NRG1: variants seen among roughly 807,000 people sequenced by gnomAD.
The protein encoded by NRG1 is pro-neuregulin-1, membrane-bound isoform.
NRG1 carries 18 observed loss-of-function variants against 63.8 expected under a neutral mutation model. The observed-to-expected ratio is 0.28, with a 90% CI of 0.19 to 0.42. The LOEUF (loss-of-function observed/expected upper bound fraction) is 0.42, where lower values mean the gene tolerates loss of function less well. Among genes scored for constraint, NRG1 ranks in the 10% least tolerant of loss-of-function variants. The pLI is 1.00. For missense variants in NRG1, 762 were observed against 814.7 expected, an observed-to-expected ratio of 0.94 and a Z score of 0.79; for synonymous variants, 302 against 301.3, an observed-to-expected ratio of 1.00 and a Z score of -0.02.
At chr8:32,230,714 A>G (rs1346524876) in intron 1 of NRG1, among the ~76,000 whole-genome samples, 1 of 152,210 alleles carries the variant, frequency 6.6e-6, no homozygotes, top group Non-Finnish European at 1.5e-5. Flanking sequence ...GTTAAGAAAC[A>G]GGATCTTTTA....
chr8:32,750,882 G>A (rs1458861555), intron 7 of NRG1, among the ~76,000 whole-genome samples: 1 of 151,804 alleles, frequency 6.6e-6, no homozygotes, highest in Admixed American at 6.6e-5. Context: ...GCTATCTATT[G>A]GAGTTTCTTC....
chr8:32,477,930 T>C (rs1008078931), intron 1 of NRG1, among the ~76,000 whole-genome samples: 9 of 152,258 alleles, frequency 5.9e-5, no homozygotes, highest in African/African-American at 1.9e-4. Context: ...CTGTTCCTTT[T>C]TGCTTAGCTT....
intron 1 of NRG1, among the ~76,000 whole-genome samples, chr8:31,854,032 T>G (rs1434622726): frequency 6.7e-6 from 1 of 150,340 alleles, no homozygotes; most frequent in Admixed American, 6.6e-5. Flanking sequence ...TATTGAGGAT[T>G]TTTGCATCAA....
chr8:32,158,641 T>TAA (rs1237804712), intron 1 of NRG1, among the ~76,000 whole-genome samples: 1 of 151,292 alleles, frequency 6.6e-6, no homozygotes, highest in African/African-American at 2.4e-5. Flanking sequence ...AACACATACA[T>TAA]ACACACTATA....
At chr8:31,900,239 T>G (rs1273252083) in intron 1 of NRG1, among the ~76,000 whole-genome samples, 2 of 152,192 alleles carry the variant, frequency 1.3e-5, no homozygotes, top group Non-Finnish European at 2.9e-5. Flanking sequence ...ACATTCACAC[T>G]GTCATCCTAG....
chr8:32,304,735 C>T (rs1338822723), intron 1 of NRG1, among the ~76,000 whole-genome samples: 2 of 152,040 alleles, frequency 1.3e-5, no homozygotes, highest in Non-Finnish European at 2.9e-5. Flanking sequence ...TAAATATTGG[C>T]CAGGTGTGGT....
chr8:32,338,590 T>C (rs1409779544), intron 1 of NRG1, among the ~76,000 whole-genome samples: 1 of 152,146 alleles, frequency 6.6e-6, no homozygotes, highest in Non-Finnish European at 1.5e-5. Flanking sequence ...TTCTCAAATC[T>C]GGTACTGGTT....
At chr8:32,515,849 C>T (rs1182992159) in intron 1 of NRG1, among the ~76,000 whole-genome samples, 1 of 152,130 alleles carries the variant, frequency 6.6e-6, no homozygotes, top group African/African-American at 2.4e-5. Context: ...AATATTTTCT[C>T]CCATTCTGTA....
intron 1 of NRG1, among the ~76,000 whole-genome samples, chr8:31,903,282 G>A (rs1305489539): frequency 6.6e-6 from 1 of 151,412 alleles, no homozygotes; most frequent in Non-Finnish European, 1.5e-5. Flanking sequence ...CCGAGTAGCT[G>A]GGACTACAGG....
intron 6 of NRG1, among the ~76,000 whole-genome samples, chr8:32,733,684 G>A (rs1824313952): frequency 6.6e-6 from 1 of 152,020 alleles, no homozygotes; most frequent in Non-Finnish European, 1.5e-5. Flanking sequence ...GAAAATATAA[G>A]GAATGGTGTC....
intron 9 of NRG1, among the ~76,000 whole-genome samples, chr8:32,757,703 T>C (rs1829935666): frequency 6.6e-6 from 1 of 152,238 alleles, no homozygotes; most frequent in South Asian, 2.1e-4. Flanking sequence ...TAGATTACAT[T>C]TACTGCTCAC....
intron 5 of NRG1, among the ~76,000 whole-genome samples, chr8:32,701,184 A>T (rs1052602656): frequency 1.3e-5 from 2 of 152,228 alleles, no homozygotes; most frequent in Non-Finnish European, 2.9e-5. Flanking sequence ...TTTTCAAAGA[A>T]GAATCAAAGA....
At chr8:32,020,035 A>C (rs1191113688) in intron 1 of NRG1, among the ~76,000 whole-genome samples, 1 of 152,118 alleles carries the variant, frequency 6.6e-6, no homozygotes, top group Non-Finnish European at 1.5e-5. Flanking sequence ...CTACCCCCCA[A>C]AATAAATCTT....
chr8:31,998,329 T>C (rs1434216334), intron 1 of NRG1, among the ~76,000 whole-genome samples: 1 of 152,010 alleles, frequency 6.6e-6, no homozygotes, highest in Non-Finnish European at 1.5e-5. Flanking sequence ...TCAAATGCTG[T>C]GCTAAGTATC....
chr8:32,426,170 G>C (rs964311390), intron 1 of NRG1, among the ~76,000 whole-genome samples: 1 of 152,118 alleles, frequency 6.6e-6, no homozygotes, highest in African/African-American at 2.4e-5. Flanking sequence ...GTCAATTTAG[G>C]TAACTTCATT....
At chr8:32,635,106 T>G (rs753522492) in intron 5 of NRG1, among the ~76,000 whole-genome samples, 4 of 152,226 alleles carry the variant, frequency 2.6e-5, no homozygotes, top group Non-Finnish European at 5.9e-5. Context: ...ACCTTACCAC[T>G]CTAAAAATTC....
chr8:32,560,953 A>G (rs1171892827), intron 1 of NRG1, among the ~76,000 whole-genome samples: 1 of 152,230 alleles, frequency 6.6e-6, no homozygotes, highest in Non-Finnish European at 1.5e-5. Flanking sequence ...AATCTTAAAC[A>G]ATATTAGTAC....
At chr8:32,287,364 T>C (rs1038254955) in intron 1 of NRG1, 2 of 152,214 alleles carry the variant, frequency 1.3e-5, no homozygotes, top group African/African-American at 2.4e-5. Flanking sequence ...ACTTGGGACA[T>C]GGATACAGGG....
chr8:32,772,036 AAT>A (rs1491527092), downstream of NRG1, among the ~76,000 whole-genome samples: 5 of 13,926 alleles, frequency 3.6e-4, no homozygotes, highest in Non-Finnish European at 9.2e-4. Context: ...AAAAAAAAAA[AAT>A]ATGTATATAT....
Sources: gnomAD v4.1 joint callset for allele counts (sites outside exome capture counted in the v4.1 genomes callset) on GRCh38, gnomAD v4.1.1 for gene constraint, MANE v1.5 for transcripts, NCBI Gene and HGNC (gene_info 2026-07-23, HGNC 2026-07-21) for gene names.